Variants in DXO observed in about 807,000 individuals in gnomAD.
DXO encodes decapping and exoribonuclease protein.
In DXO, 42 loss-of-function variants were observed where a neutral mutation model predicts 39.8. The ratio of observed to expected loss-of-function variants is 1.06; its 90% CI spans 0.83 to 1.37. The LOEUF (loss-of-function observed/expected upper bound fraction) is 1.37, where lower values mean the gene tolerates loss of function less well. DXO is among the 40% of genes most tolerant of loss of function. DXO has a pLI of 0.00. For synonymous variants in DXO, 193 were observed against 200.4 expected (o/e 0.96, Z 0.31); for missense variants, 495 against 513.0 (o/e 0.96, Z 0.34).
Position 31,970,971 on chromosome 6 carries a change from G to A in DXO, c.533C>T (p.Pro178Leu), listed in dbSNP as rs1562678612. Reference protein sequence around the residue: ...PNARAQRLARPPLLRELMYMG... With the variant: ...PNARAQRLARLPLLRELMYMG... Reference sequence around the variant, plus strand: ...GTACATAAGCTCCCGGAGGAGCGGTGGCCGAGCAAGCCTCTGGGCCCGAGC... The same window carrying A: ...GTACATAAGCTCCCGGAGGAGCGGTAGCCGAGCAAGCCTCTGGGCCCGAGC... Residue 178 changes from proline to leucine, a missense_variant, in exon 3 of 7, where the codon CCA (proline) becomes CTA (leucine). By Grantham distance (98) the Pro-to-Leu change is moderately conservative (BLOSUM62 -3). Transcript: ENST00000337523. The surrounding 1 kb of genome is among the most constrained non-coding windows in gnomAD (Gnocchi z 4.0). 1.9e-6 allele frequency: 3 copies of A among 1,613,018 alleles called. No homozygotes were observed. The highest frequency in any genetic ancestry group is 2.5e-6 in the Non-Finnish European group (3 of 1,180,020).
At position 31,970,417 on chromosome 6, in the gene DXO, C is replaced by G. The variant is rs1389388296; in HGVS notation, c.874G>C (p.Gly292Arg). 1 of 1,614,066 alleles carries G rather than the reference C, an allele frequency of 6.2e-7. No individual in the cohort carries two copies. The highest frequency in any genetic ancestry group is 2.2e-5 in the East Asian group (1 of 44,884). The change falls in exon 5 of 7, where the codon GGC (glycine) becomes CGC (arginine). Residue 292 changes from glycine to arginine, a missense_variant. Physicochemically the swap from Gly to Arg is moderately radical, Grantham distance 125. Transcript: ENST00000337523. The surrounding 1 kb of genome is among the most constrained non-coding windows in gnomAD (Gnocchi z 4.0). ...ACAAAACCGTCTGGGTTACGGAAGCCAGCAACAACATTCGGGACCCCTGGG... is the reference window on the plus strand; with the variant it reads ...ACAAAACCGTCTGGGTTACGGAAGCGAGCAACAACATTCGGGACCCCTGGG... Reference protein sequence around the residue: ...FLPGVPNVVAGFRNPDGFVSS... With the variant: ...FLPGVPNVVARFRNPDGFVSS...
In DXO at chr6:31,971,964, T is replaced by C. The variant is rs776578812; in HGVS notation, c.-42A>G. On this transcript the variant is annotated 5_prime_UTR_variant, in exon 1 of 7. Transcript: ENST00000337523. This position sits in a 1 kb window ranked among gnomAD's most constrained non-coding sequence, Gnocchi z 4.5. ...CCCAACTTCCACCTCCGCAGAGCTA[T>C]GACGTCATGGCAGGCACGCCAGAGG... 16 of 1,580,016 alleles carry C rather than the reference T, an allele frequency of 1.0e-5. No individual in the cohort carries two copies. The highest frequency in any genetic ancestry group is 1.0e-5 in the Non-Finnish European group (12 of 1,158,868).
In DXO at chr6:31,971,981, C is replaced by T. The variant is rs1192770174; in HGVS notation, c.-59G>A. 6.3e-7 allele frequency: 1 copy of T among 1,589,330 alleles called. No homozygotes were observed. The highest frequency in any genetic ancestry group is 8.6e-7 in the Non-Finnish European group (1 of 1,163,440). ...CAGAGCTATGACGTCATGGCAGGCACGCCAGAGGCCGAAGGATGCAAAAGT... is the reference window on the plus strand; with the variant it reads ...CAGAGCTATGACGTCATGGCAGGCATGCCAGAGGCCGAAGGATGCAAAAGT... On this transcript the variant is annotated 5_prime_UTR_variant, in exon 1 of 7. The change creates a new upstream start codon in the 5' untranslated region. Coordinates refer to ENST00000337523, the MANE Select transcript of DXO (RefSeq NM_005510.4). The surrounding 1 kb of genome is among the most constrained non-coding windows in gnomAD (Gnocchi z 4.5).
rs138075111 is a variant in DXO, at chr6:31,970,347, A to G, written c.944T>C (p.Val315Ala). The change falls in exon 5 of 7, where the codon GTC becomes GCC. Residue 315 changes from valine to alanine, a missense_variant. By Grantham distance (64) the Val-to-Ala change is moderately conservative. Transcript: ENST00000337523. The surrounding 1 kb of genome is among the most constrained non-coding windows in gnomAD (Gnocchi z 4.0). ...TFPTMKMFEY[V>A]RNDRDGWNPS... ...GCTGCAACATCGTTCCCTTACCCTGACATATTCAAACATCTTCATGGTAGG... is the reference window on the plus strand; with the variant it reads ...GCTGCAACATCGTTCCCTTACCCTGGCATATTCAAACATCTTCATGGTAGG... 6.9e-5 allele frequency: 112 copies of G among 1,614,028 alleles called. No homozygotes were observed. In the African/African-American group the frequency reaches 1.1e-3, roughly 17 times the overall value.
rs1205992670 is a variant in DXO at position 31,972,023 on chromosome 6, T to C, written c.-101A>G. On this transcript the variant is annotated 5_prime_UTR_variant, in exon 1 of 7. Coordinates refer to ENST00000337523, the MANE Select transcript of DXO (RefSeq NM_005510.4). This position sits in a 1 kb window ranked among gnomAD's most constrained non-coding sequence, Gnocchi z 6.3. ...TGCAAAAGTGGTTTTCTGCTTTCGA[T>C]GATGCAATCATTCAGCGACAGTGGC... 3.1e-6 allele frequency: 5 copies of C among 1,608,314 alleles called. No homozygotes were observed. The highest frequency in any genetic ancestry group is 4.3e-6 in the Non-Finnish European group (5 of 1,175,588).
In DXO at chr6:31,970,913, T is replaced by C. The variant is rs747204153; in HGVS notation, c.591A>G (p.Ala197=). Residue 197 remains alanine, a splice_region_variant and synonymous_variant, in exon 3 of 7, where the codon GCA becomes GCG. Coordinates refer to ENST00000337523, the MANE Select transcript of DXO (RefSeq NM_005510.4). The surrounding 1 kb of genome is among the most constrained non-coding windows in gnomAD (Gnocchi z 4.0). ...MGYKFEQYMC[A]DKPGSSPDPS... ...GGCTATGAAGCAGGGGCAACTCACC[T>C]GCACACATGTACTGCTCAAATTTGT... 12 of 1,611,138 alleles carry C rather than the reference T, an allele frequency of 7.4e-6. No individual in the cohort carries two copies. The highest frequency in any genetic ancestry group is 1.0e-5 in the Non-Finnish European group (12 of 1,178,578).
Position 31,971,721 on chromosome 6 carries a change from G to A in DXO, c.-6-40C>T, listed in dbSNP as rs1773350861. Reference sequence around the variant, plus strand: ...GGTACAGAGTTTCCATTCTACAGAGGAGGCCTGGAGAAGGATGACTGGTTT... The same window carrying A: ...GGTACAGAGTTTCCATTCTACAGAGAAGGCCTGGAGAAGGATGACTGGTTT... On this transcript the variant is annotated intron_variant, in intron 1 of 6. Transcript: ENST00000337523. The surrounding 1 kb of genome is among the most constrained non-coding windows in gnomAD (Gnocchi z 4.5). 6.5e-7 allele frequency: 1 copy of A among 1,540,406 alleles called. No homozygotes were observed. The highest frequency in any genetic ancestry group is 1.2e-5 in the South Asian group (1 of 83,860).
At position 31,970,287 on chromosome 6, in the gene DXO, AC is replaced by A; in HGVS notation, c.948+55del. 6.2e-7 allele frequency: 1 copy of A among 1,613,814 alleles called. No individual in the cohort carries two copies. The highest frequency in any genetic ancestry group is 1.1e-5 in the South Asian group (1 of 91,072). ...GGCAGGCTGTTGCCCTGGATGCTAG[AC>A]CTGTGGTCTTGGTGTTTGGGGATAC... On this transcript the variant is annotated intron_variant, in intron 5 of 6. Transcript: ENST00000337523. The surrounding 1 kb of genome is among the most constrained non-coding windows in gnomAD (Gnocchi z 4.0).
At position 31,970,926 on chromosome 6, in the gene DXO, T is replaced by C. The variant is rs1412809200; in HGVS notation, c.578A>G (p.Gln193Arg). 1 of 1,612,522 alleles carries C rather than the reference T, an allele frequency of 6.2e-7. No homozygotes were observed. Among genetic ancestry groups the C allele is most frequent in the East Asian group, 2.2e-5 (1 of 44,870 alleles). ...ELMYMGYKFE[Q>R]YMCADKPGSS... ...GGGCAACTCACCTGCACACATGTAC[T>C]GCTCAAATTTGTATCCCATGTACAT... The change falls in exon 3 of 7, where the codon CAG (glutamine) becomes CGG (arginine). Residue 193 changes from glutamine (Q) to arginine (R), a missense_variant. Coordinates refer to ENST00000337523, the MANE Select transcript of DXO (RefSeq NM_005510.4). This position sits in a 1 kb window ranked among gnomAD's most constrained non-coding sequence, Gnocchi z 4.0.
Position 31,971,948 on chromosome 6 carries a change from C to A in DXO, c.-26G>T. On this transcript the variant is annotated 5_prime_UTR_variant, in exon 1 of 7. Transcript: ENST00000337523. The surrounding 1 kb of genome is among the most constrained non-coding windows in gnomAD (Gnocchi z 4.5). ...AGTTACCTCAAAGCTCCCCAACTTCCACCTCCGCAGAGCTATGACGTCATG... is the reference window on the plus strand; with the variant it reads ...AGTTACCTCAAAGCTCCCCAACTTCAACCTCCGCAGAGCTATGACGTCATG... The A allele has an allele frequency of 6.4e-7, 1 of 1,556,874 alleles. No individual in the cohort carries two copies. Among genetic ancestry groups the A allele is most frequent in the Non-Finnish European group, 8.7e-7 (1 of 1,147,776 alleles).
In DXO at chr6:31,971,373, T is replaced by C; in HGVS notation, c.303A>G (p.Glu101=). ...GCCAGCACAGCAGGTGGTCCAGCCT[T>C]TCCTGGACCTCCTCGTCCCGGGGCT... The part of the protein sequence containing the change: ...RYQPRDEEVQ[E]RLDHLLCWLL... The change falls in exon 2 of 7, where the codon GAA becomes GAG. Residue 101 remains glutamate, a synonymous_variant. Transcript: ENST00000337523. This position sits in a 1 kb window ranked among gnomAD's most constrained non-coding sequence, Gnocchi z 4.5. The C allele has an allele frequency of 1.3e-6, 2 of 1,573,924 alleles. No homozygotes were observed. Among genetic ancestry groups the C allele is most frequent in the Non-Finnish European group, 1.7e-6 (2 of 1,157,398 alleles).
At position 31,970,435 on chromosome 6, in the gene DXO, C is replaced by T; in HGVS notation, c.856G>A (p.Val286Ile). The change falls in exon 5 of 7, where the codon GTC becomes ATC. Residue 286 changes from valine to isoleucine, a missense_variant. Val to Ile is a conservative substitution (Grantham distance 29). Coordinates refer to ENST00000337523, the MANE Select transcript of DXO (RefSeq NM_005510.4). This position sits in a 1 kb window ranked among gnomAD's most constrained non-coding sequence, Gnocchi z 4.0. ...CGGAAGCCAGCAACAACATTCGGGA[C>T]CCCTGGGAGGAATGACTGAGCCCAC... ...KWWAQSFLPGVPNVVAGFRNP... is the reference protein window; with the variant it reads ...KWWAQSFLPGIPNVVAGFRNP... 1 of 1,614,086 alleles carries T rather than the reference C, an allele frequency of 6.2e-7. No individual in the cohort carries two copies.
chr6:31,971,812 C>G lies in DXO; in HGVS notation c.-7+117G>C. 1 of 1,322,940 alleles carries G rather than the reference C, an allele frequency of 7.6e-7. No individual in the cohort carries two copies. The highest frequency in any genetic ancestry group is 2.5e-5 in the East Asian group (1 of 39,906). The allele number at this position is 1,322,940 out of a possible 1,614,324, so 82.0% of individuals were successfully genotyped here. ...AAACATTCAGGCCCCTCAGACGCCA[C>G]CGCGGCCAAGCTCTCATCCTGCCTC... On this transcript the variant is annotated intron_variant, in intron 1 of 6. Coordinates refer to ENST00000337523, the MANE Select transcript of DXO (RefSeq NM_005510.4). This position sits in a 1 kb window ranked among gnomAD's most constrained non-coding sequence, Gnocchi z 4.5.
Position 31,970,484 on chromosome 6 carries a change from A to C in DXO, c.813-6T>G. The stretch of plus-strand genomic sequence containing the variant: ...ACCATTTCAGGAGCTTGTGTCTGAC[A>C]GGAAAAGCAAGGGATCAGTGGGACC... On this transcript the variant is annotated splice_region_variant and splice_polypyrimidine_tract_variant and intron_variant, in intron 4 of 6. Coordinates refer to ENST00000337523, the MANE Select transcript of DXO (RefSeq NM_005510.4). This position sits in a 1 kb window ranked among gnomAD's most constrained non-coding sequence, Gnocchi z 4.0. 1.2e-6 allele frequency: 2 copies of C among 1,614,064 alleles called. No individual in the cohort carries two copies. The highest frequency in any genetic ancestry group is 1.7e-6 in the Non-Finnish European group (2 of 1,179,992).
chr6:31,971,584 G>A lies in DXO; in HGVS notation c.92C>T (p.Thr31Ile), dbSNP rs1452902399. The A allele has an allele frequency of 6.2e-7, 1 of 1,613,920 alleles. No homozygotes were observed. The highest frequency in any genetic ancestry group is 8.5e-7 in the Non-Finnish European group (1 of 1,180,042). Residue 31 changes from threonine (T) to isoleucine (I), a missense_variant, in exon 2 of 7, where the codon ACA (threonine) becomes ATA (isoleucine). By Grantham distance (89) the Thr-to-Ile change is moderately conservative (BLOSUM62 -1). Coordinates refer to ENST00000337523, the MANE Select transcript of DXO (RefSeq NM_005510.4). The surrounding 1 kb of genome is among the most constrained non-coding windows in gnomAD (Gnocchi z 4.5). ...GGGCCCAGAGTAGAGGGCAGGGTCTGTGGGCAGAGAAGGTGCTGGACGAGG... is the reference window on the plus strand; with the variant it reads ...GGGCCCAGAGTAGAGGGCAGGGTCTATGGGCAGAGAAGGTGCTGGACGAGG... ...KLPRPAPSLP[T>I]DPALYSGPFP...
Position 31,970,799 on chromosome 6 carries a change from AG to A in DXO, c.618del (p.Ser207LeufsTer29). 1 of 1,612,658 alleles carries A rather than the reference AG, an allele frequency of 6.2e-7. No homozygotes were observed. Among genetic ancestry groups the A allele is most frequent in the Non-Finnish European group, 8.5e-7 (1 of 1,179,908 alleles). On this transcript the variant is annotated frameshift_variant, in exon 4 of 7. Coordinates refer to ENST00000337523, the MANE Select transcript of DXO (RefSeq NM_005510.4). LOFTEE classifies it high-confidence loss of function. This position sits in a 1 kb window ranked among gnomAD's most constrained non-coding sequence, Gnocchi z 4.0. ...CADKPGSSPDPSGEVNTNVAF... is the reference protein window; with the variant it reads ...CADKPGSSPDXSGEVNTNVAF... ...GCCACGTTGGTGTTAACCTCCCCAG[AG>A]GGGTCTGGGGAGCTTCCAGGTTTGT...
In DXO at chr6:31,971,044, A is replaced by AGGCTGCC. The variant is rs757081599; in HGVS notation, c.453_459dup (p.Ser154GlyfsTer13). ...AGGTATAGTGTTCCCTGGAACCGGG[A>AGGCTGCC]GGCTGCCAGCTGCCAGCCCTCCTGC... is the stretch of plus-strand genomic sequence containing the variant. On this transcript the variant is annotated frameshift_variant, in exon 3 of 7. Coordinates refer to ENST00000337523, the MANE Select transcript of DXO (RefSeq NM_005510.4). LOFTEE classifies it high-confidence loss of function. The surrounding 1 kb of genome is among the most constrained non-coding windows in gnomAD (Gnocchi z 4.5). 6.2e-7 allele frequency: 1 copy of AGGCTGCC among 1,612,938 alleles called. No individual in the cohort carries two copies. The highest frequency in any genetic ancestry group is 1.7e-5 in the Admixed American group (1 of 60,020).
chr6:31,969,980 A>G lies in DXO; in HGVS notation c.1088T>C (p.Val363Ala), dbSNP rs776504555. The G allele has an allele frequency of 1.2e-6, 2 of 1,614,062 alleles. No individual in the cohort carries two copies. The highest frequency in any genetic ancestry group is 3.3e-5 in the Admixed American group (2 of 60,008). Residue 363 changes from valine to alanine, a missense_variant, in exon 7 of 7, where the codon GTG (valine) becomes GCG (alanine). Physicochemically the swap from Val to Ala is moderately conservative, Grantham distance 64 (BLOSUM62 0). Coordinates refer to ENST00000337523, the MANE Select transcript of DXO (RefSeq NM_005510.4). This position sits in a 1 kb window ranked among gnomAD's most constrained non-coding sequence, Gnocchi z 6.1. ...GTAAGGTGCATCTTGGTGTACAGAC[A>G]CGGTGACTGGGCCGCCAGGCTCCCA... ...FSWEPGGPVT[V>A]SVHQDAPYAF...
chr6:31,972,027 G>C lies in DXO; in HGVS notation c.-105C>G. On this transcript the variant is annotated 5_prime_UTR_variant, in exon 1 of 7. Transcript: ENST00000337523. This position sits in a 1 kb window ranked among gnomAD's most constrained non-coding sequence, Gnocchi z 6.3. ...AAAGTGGTTTTCTGCTTTCGATGAT[G>C]CAATCATTCAGCGACAGTGGCGGGC... 6.2e-7 allele frequency: 1 copy of C among 1,609,036 alleles called. No homozygotes were observed. Among genetic ancestry groups the C allele is most frequent in the Non-Finnish European group, 8.5e-7 (1 of 1,176,206 alleles).
Sources: gnomAD v4.1 joint callset for allele counts on GRCh38, gnomAD v4.1.1 for gene constraint, Gnocchi (gnomAD v3.1) non-coding constraint, MANE v1.5 for transcripts, NCBI Gene and HGNC (gene_info 2026-07-23, HGNC 2026-07-21) for gene names.